LPAR5: variants seen among roughly 807,000 people sequenced by gnomAD.
LPAR5 encodes G protein-coupled receptor 92.
For missense variants in LPAR5, 544 were observed against 521.8 expected, an observed-to-expected ratio of 1.04 and a Z score of -0.41; for synonymous variants, 271 against 261.6, an observed-to-expected ratio of 1.04 and a Z score of -0.35.
Position 6,621,140 on chromosome 12 carries a change from GCC to G in LPAR5, c.107_108del (p.Gly36AlafsTer27). 6.3e-7 allele frequency: 1 copy of G among 1,599,244 alleles called. No individual in the cohort carries two copies. The highest frequency in any genetic ancestry group is 8.5e-7 in the Non-Finnish European group (1 of 1,172,510). On this transcript the variant is annotated frameshift_variant, in exon 2 of 2. Transcript: ENST00000329858. LOFTEE classifies it low-confidence loss of function (END_TRUNC). ...LVVYSLVLAA[G>X]LPLNALALWV... ...CAGAGGGCTAGCGCGTTGAGGGGGAGCCCGGCAGCCAGCACCAAGCTGTAGAC... is the reference window on the plus strand; with the variant it reads ...CAGAGGGCTAGCGCGTTGAGGGGGAGCGGCAGCCAGCACCAAGCTGTAGAC...
intron 1 of LPAR5, among the ~76,000 whole-genome samples, chr12:6,628,341 T>C (rs921399974): frequency 2.1e-4 from 32 of 152,040 alleles, no homozygotes; most frequent in Admixed American, 6.6e-5. Context: ...TTCTTAACCA[T>C]TACTTGGAGA....
chr12:6,620,363 C>T lies in LPAR5; in HGVS notation c.886G>A (p.Val296Met). The T allele has an allele frequency of 6.2e-7, 1 of 1,611,652 alleles. No individual in the cohort carries two copies. Among genetic ancestry groups the T allele is most frequent in the Non-Finnish European group, 8.5e-7 (1 of 1,179,270 alleles). ...AGANCVLDPL[V>M]YYFSAEGFRN... ...AAGCCCTCGGCGCTAAAGTAGTACACCAGCGGGTCCAGCACGCAGTTGGCG... is the reference window on the plus strand; with the variant it reads ...AAGCCCTCGGCGCTAAAGTAGTACATCAGCGGGTCCAGCACGCAGTTGGCG... The change falls in exon 2 of 2, where the codon GTG becomes ATG. Residue 296 changes from valine (V) to methionine (M), a missense_variant. Physicochemically the swap from Val to Met is conservative, Grantham distance 21. Transcript: ENST00000329858. The surrounding 1 kb of genome is among the most constrained non-coding windows in gnomAD (Gnocchi z 6.8).
chr12:6,631,511 G>T, intron 1 of LPAR5: 1 of 152,740 alleles, frequency 6.5e-6, no homozygotes, highest in Non-Finnish European at 1.5e-5. Flanking sequence ...CAGAATGTGT[G>T]CAGCCACCTT....
At chr12:6,634,731 G>A (rs1304606762) in intron 1 of LPAR5, among the ~76,000 whole-genome samples, 4 of 151,350 alleles carry the variant, frequency 2.6e-5, no homozygotes. Flanking sequence ...AGGAGTTTGA[G>A]GCTGCAGTGA....
intron 1 of LPAR5, among the ~76,000 whole-genome samples, chr12:6,629,074 C>A (rs1156786412): frequency 8.9e-5 from 13 of 145,324 alleles, no homozygotes. Context: ...TCAAGTCTTT[C>A]TGTTGAAAAA....
intron 1 of LPAR5, among the ~76,000 whole-genome samples, chr12:6,631,043 A>G (rs1298708740): frequency 6.6e-6 from 1 of 152,138 alleles, no homozygotes; most frequent in Non-Finnish European, 1.5e-5. Flanking sequence ...TCCTGCCTTG[A>G]AGAAGAGGTC....
chr12:6,626,315 G>T (rs937782686), intron 1 of LPAR5, among the ~76,000 whole-genome samples: 1 of 152,144 alleles, frequency 6.6e-6, no homozygotes, highest in East Asian at 1.9e-4. Flanking sequence ...GGGTCTGACT[G>T]TGTTGCCCAG....
intron 1 of LPAR5, among the ~76,000 whole-genome samples, chr12:6,632,560 A>G (rs191876781): frequency 6.6e-6 from 1 of 152,248 alleles, no homozygotes; most frequent in African/African-American, 2.4e-5. Flanking sequence ...CCCCACAGAC[A>G]GGCTTCATCA....
chr12:6,630,769 AG>A (rs1948976234), intron 1 of LPAR5, among the ~76,000 whole-genome samples: 1 of 152,088 alleles, frequency 6.6e-6, no homozygotes, highest in Admixed American at 6.6e-5. Flanking sequence ...ATCTTTATAA[AG>A]GATCCTGGTG....
intron 1 of LPAR5, among the ~76,000 whole-genome samples, chr12:6,632,731 T>C (rs1948987943): frequency 6.6e-6 from 1 of 152,204 alleles, no homozygotes; most frequent in South Asian, 2.1e-4. Flanking sequence ...ATCCTGGTCC[T>C]GAGGGGCAGG....
At chr12:6,629,647 C>T (rs1387146441) in intron 1 of LPAR5, among the ~76,000 whole-genome samples, 1 of 149,780 alleles carries the variant, frequency 6.7e-6, no homozygotes, top group African/African-American at 2.5e-5. Flanking sequence ...GCACTCCAGC[C>T]TAGATGGCAG....
chr12:6,632,495 G>A (rs774119420), intron 1 of LPAR5, among the ~76,000 whole-genome samples: 1 of 152,078 alleles, frequency 6.6e-6, no homozygotes, highest in African/African-American at 2.4e-5. Flanking sequence ...CTGAATTAGC[G>A]AAGCCTACTT....
rs772143855 is a variant in LPAR5, at chr12:6,620,457, C to A, written c.792G>T (p.Leu264=). The A allele has an allele frequency of 7.5e-6, 12 of 1,592,426 alleles. No homozygotes were observed. In the African/African-American group the frequency reaches 1.6e-4, roughly 21 times the overall value. Residue 264 remains leucine (L), a synonymous_variant, in exon 2 of 2, where the codon CTG becomes CTT. Transcript: ENST00000329858. The surrounding 1 kb of genome is among the most constrained non-coding windows in gnomAD (Gnocchi z 6.8). ...CGCGGGCAGGCACGCTGGCCGCCAC[C>A]AGCTTGCTCCGCAGCAGCCCGTAGA... The part of the protein sequence containing the change: ...LAVYGLLRSK[L]VAASVPARDR...
intron 1 of LPAR5, among the ~76,000 whole-genome samples, chr12:6,629,498 GC>G (rs1185913576): frequency 1.3e-5 from 2 of 149,344 alleles, no homozygotes; most frequent in East Asian, 4.0e-4. Context: ...CATGGTGAAA[GC>G]CCATCTCTAC....
In LPAR5 at chr12:6,620,173, G is replaced by C. The variant is rs766182031; in HGVS notation, c.1076C>G (p.Ser359Cys). 5.6e-6 allele frequency: 9 copies of C among 1,613,484 alleles called. No homozygotes were observed. Among genetic ancestry groups the C allele is most frequent in the Non-Finnish European group, 5.1e-6 (6 of 1,179,570 alleles). Residue 359 changes from serine to cysteine, a missense_variant, in exon 2 of 2, where the codon TCT becomes TGT. By Grantham distance (112) the Ser-to-Cys change is moderately radical. Transcript: ENST00000329858. This position sits in a 1 kb window ranked among gnomAD's most constrained non-coding sequence, Gnocchi z 6.8. Reference protein sequence around the residue: ...QGLLRPSDSHSLSSFTQCPQD... With the variant: ...QGLLRPSDSHCLSSFTQCPQD... The stretch of plus-strand genomic sequence containing the variant: ...GGGACACTGTGTGAAGGAAGACAGA[G>C]AGTGGGAGTCGGAGGGTCGGAGCAG...
intron 1 of LPAR5, among the ~76,000 whole-genome samples, chr12:6,626,990 G>A (rs1038978191): frequency 2.0e-5 from 3 of 151,910 alleles, no homozygotes; most frequent in Non-Finnish European, 4.4e-5. Context: ...ACCTACCTCT[G>A]TAAATGTTAA....
chr12:6,628,878 C>T (rs553025301), intron 1 of LPAR5, among the ~76,000 whole-genome samples: 11 of 151,454 alleles, frequency 7.3e-5, no homozygotes, highest in African/African-American at 2.7e-4. Context: ...GTGATCTGCC[C>T]GCCTCAGCCT....
chr12:6,629,788 C>T (rs1036835888), intron 1 of LPAR5, among the ~76,000 whole-genome samples: 10 of 152,076 alleles, frequency 6.6e-5, no homozygotes, highest in Non-Finnish European at 1.2e-4. Context: ...CTTTGGGAGG[C>T]TGAGGCGGGC....
Position 6,620,667 on chromosome 12 carries a change from C to T in LPAR5, c.582G>A (p.Leu194=). 1 of 1,561,136 alleles carries T rather than the reference C, an allele frequency of 6.4e-7. No individual in the cohort carries two copies. The highest frequency in any genetic ancestry group is 8.7e-7 in the Non-Finnish European group (1 of 1,152,830). Reference sequence around the variant, plus strand: ...GCAGCAGGAAGCCCAGCGCCTCGGCCAGCAGCACGAGGGGCAGCAGCCTGC... The same window carrying T: ...GCAGCAGGAAGCCCAGCGCCTCGGCTAGCAGCACGAGGGGCAGCAGCCTGC... The part of the protein sequence containing the change: ...WKGRLLPLVL[L]AEALGFLLPL... The change falls in exon 2 of 2, where the codon CTG becomes CTA. Residue 194 remains leucine (L), a synonymous_variant. Coordinates refer to ENST00000329858, the MANE Select transcript of LPAR5 (RefSeq NM_020400.6). This position sits in a 1 kb window ranked among gnomAD's most constrained non-coding sequence, Gnocchi z 6.8.
Sources: gnomAD v4.1 joint callset for allele counts (sites outside exome capture counted in the v4.1 genomes callset) on GRCh38, gnomAD v4.1.1 for gene constraint, Gnocchi (gnomAD v3.1) non-coding constraint, MANE v1.5 for transcripts, NCBI Gene and HGNC (gene_info 2026-07-23, HGNC 2026-07-21) for gene names.